Variants in RGS7 observed in about 807,000 individuals in gnomAD.
RGS7 encodes the protein regulator of G protein signaling 7.
Under a neutral mutation model 81.1 loss-of-function variants are expected in RGS7, and 27 were observed. The ratio of observed to expected loss-of-function variants is 0.33; its 90% CI spans 0.25 to 0.46. The LOEUF (loss-of-function observed/expected upper bound fraction) is 0.46, where lower values mean the gene tolerates loss of function less well. Ranked by LOEUF, RGS7 falls within the 20% of genes least tolerant of loss-of-function variation. RGS7 has a pLI of 1.00. For missense variants in RGS7, 396 were observed against 607.4 expected (o/e 0.65, Z 3.66); for synonymous variants, 208 against 207.7 (o/e 1.00, Z -0.01).
At chr1:240,847,455 C>G (rs1000397043) in intron 9 of RGS7, among the ~76,000 whole-genome samples, 19 of 152,220 alleles carry the variant, frequency 1.2e-4, no homozygotes, top group Non-Finnish European at 2.6e-4. Flanking sequence ...AACACTACAT[C>G]ACATAAAACT....
intron 2 of RGS7, among the ~76,000 whole-genome samples, chr1:241,244,620 G>A (rs977319148): frequency 2.0e-5 from 3 of 152,106 alleles, no homozygotes; most frequent in Non-Finnish European, 4.4e-5. Flanking sequence ...ATACGCAAAG[G>A]ATTATAAATC....
At chr1:241,037,659 TGC>T (rs2060399653) in intron 3 of RGS7, among the ~76,000 whole-genome samples, 1 of 150,554 alleles carries the variant, frequency 6.6e-6, no homozygotes, top group Non-Finnish European at 1.5e-5. Context: ...ACGTGGAGGT[TGC>T]AGTGAGCCGA....
rs142519070 is a variant in RGS7, at chr1:241,189,541, A to T, written c.79-90779T>A. Among the ~76,000 whole-genome samples, 657 of 152,286 alleles carry T rather than the reference A, an allele frequency of 4.3e-3. 5 individuals are homozygous for T. Among genetic ancestry groups the T allele is most frequent in the African/African-American group, 0.015 (644 of 41,566 alleles). On this transcript the variant is annotated intron_variant, in intron 2 of 18. Coordinates refer to ENST00000440928, the MANE Select transcript of RGS7 (RefSeq NM_001364886.1). The stretch of plus-strand genomic sequence containing the variant: ...AATTTTGATAAAGTCCAATTTATTC[A>T]CTTTTTCTTTTATAAATCATGCTTT...
intron 6 of RGS7, among the ~76,000 whole-genome samples, chr1:240,911,183 C>G (rs925444378): frequency 6.6e-6 from 1 of 152,138 alleles, no homozygotes; most frequent in Non-Finnish European, 1.5e-5. Context: ...GAACACCATA[C>G]CACTGACTCA....
intron 2 of RGS7, among the ~76,000 whole-genome samples, chr1:241,151,826 C>T (rs2068777732): frequency 1.3e-5 from 2 of 152,024 alleles, no homozygotes; most frequent in African/African-American, 4.8e-5. Flanking sequence ...TAGAATTCCT[C>T]TTTAATTAAT....
At chr1:241,177,001 G>A (rs1333989295) in intron 2 of RGS7, among the ~76,000 whole-genome samples, 1 of 152,184 alleles carries the variant, frequency 6.6e-6, no homozygotes, top group East Asian at 1.9e-4. Context: ...GAGCAAAACT[G>A]TTTATGCAAG....
intron 9 of RGS7, among the ~76,000 whole-genome samples, chr1:240,865,109 CT>C (rs751556791): frequency 1.3e-5 from 2 of 152,164 alleles, no homozygotes; most frequent in Admixed American, 6.5e-5. Flanking sequence ...TCAACTAACA[CT>C]GCAAGGTAGG....
chr1:240,974,461 G>A (rs1683759456), intron 4 of RGS7, among the ~76,000 whole-genome samples: 1 of 152,116 alleles, frequency 6.6e-6, no homozygotes. Flanking sequence ...ATTCCCATCA[G>A]TCAAAAAAAC....
intron 2 of RGS7, among the ~76,000 whole-genome samples, chr1:241,153,430 G>T (rs2103143882): frequency 6.6e-6 from 1 of 152,018 alleles, no homozygotes; most frequent in African/African-American, 2.4e-5. Flanking sequence ...GAAGAAGAGA[G>T]TTATACAAGT....
intron 2 of RGS7, among the ~76,000 whole-genome samples, chr1:241,330,185 C>T (rs1482889680): frequency 2.0e-5 from 3 of 152,118 alleles, no homozygotes; most frequent in Non-Finnish European, 2.9e-5. Flanking sequence ...GTGATCCACC[C>T]GCCTCAGCCT....
At chr1:240,940,822 T>C (rs1677466739) in intron 4 of RGS7, among the ~76,000 whole-genome samples, 1 of 152,156 alleles carries the variant, frequency 6.6e-6, no homozygotes, top group African/African-American at 2.4e-5. Context: ...TGAGTGATCA[T>C]AAGACTATTC....
At chr1:241,082,614 A>G (rs2148899514) in intron 3 of RGS7, among the ~76,000 whole-genome samples, 1 of 152,336 alleles carries the variant, frequency 6.6e-6, no homozygotes, top group East Asian at 1.9e-4. Context: ...AGGTACAAAA[A>G]TACAGTCTGA....
chr1:241,156,459 T>C (rs1223665575), intron 2 of RGS7, among the ~76,000 whole-genome samples: 4 of 151,506 alleles, frequency 2.6e-5, no homozygotes, highest in Non-Finnish European at 4.4e-5. Context: ...TGAGCCATGA[T>C]TGTGCCACTG....
chr1:241,115,427 G>T (rs1305694752), intron 2 of RGS7, among the ~76,000 whole-genome samples: 1 of 152,086 alleles, frequency 6.6e-6, no homozygotes, highest in Non-Finnish European at 1.5e-5. Context: ...AAAATTACAT[G>T]ATTTCTTTCA....
At chr1:241,140,864 T>C (rs540553435) in intron 2 of RGS7, among the ~76,000 whole-genome samples, 1 of 152,174 alleles carries the variant, frequency 6.6e-6, no homozygotes, top group South Asian at 2.1e-4. Context: ...TAACTTAAAG[T>C]AGTTTCTTCA....
At chr1:241,193,166 C>A (rs916874550) in intron 2 of RGS7, among the ~76,000 whole-genome samples, 2 of 152,212 alleles carry the variant, frequency 1.3e-5, no homozygotes, top group African/African-American at 4.8e-5. Flanking sequence ...CCCTTTCTTA[C>A]AACCTATAAG....
intron 6 of RGS7, chr1:240,920,585 T>C (rs749830240): frequency 3.5e-5 from 32 of 922,450 alleles, no homozygotes; most frequent in Non-Finnish European, 5.5e-5. Flanking sequence ...GTAACAGCAG[T>C]AGCTACGGCA....
At chr1:241,273,505 T>C (rs540027403) in intron 2 of RGS7, among the ~76,000 whole-genome samples, 1 of 152,244 alleles carries the variant, frequency 6.6e-6, no homozygotes, top group Non-Finnish European at 1.5e-5. Context: ...TTGTTTTGTT[T>C]GTTTGCTTGG....
chr1:241,033,005 T>G (rs540304499), intron 3 of RGS7, among the ~76,000 whole-genome samples: 1 of 152,190 alleles, frequency 6.6e-6, no homozygotes, highest in African/African-American at 2.4e-5. Flanking sequence ...TGGCTAGGAC[T>G]TGCAGTATTG....
Sources: allele counts gnomAD v4.1 joint callset (sites outside exome capture counted in the v4.1 genomes callset), GRCh38; gene constraint gnomAD v4.1.1; transcripts MANE v1.5; gene names NCBI Gene and HGNC (gene_info 2026-07-23, HGNC 2026-07-21).